The following CD44 variants were observed in gnomAD, a reference collection of about 807,000 sequenced individuals.
CD44 encodes the protein CD44 molecule (IN blood group).
CD44 carries 49 observed loss-of-function variants against 88.8 expected under a neutral mutation model. That is an observed-to-expected ratio of 0.55 (90% CI 0.44 to 0.70). The LOEUF (loss-of-function observed/expected upper bound fraction) is 0.70, where lower values mean the gene tolerates loss of function less well. Among genes scored for constraint, CD44 ranks in the 30% least tolerant of loss-of-function variants. The pLI, the probability that CD44 is intolerant of heterozygous loss-of-function variation, is 0.00. For missense variants in CD44, 883 were observed against 913.8 expected, an observed-to-expected ratio of 0.97 and a Z score of 0.43; for synonymous variants, 325 against 312.3, an observed-to-expected ratio of 1.04 and a Z score of -0.43.
At chr11:35,223,807 T>G (rs1439017833) in intron 17 of CD44, among the ~76,000 whole-genome samples, 1 of 152,172 alleles carries the variant, frequency 6.6e-6, no homozygotes, top group Non-Finnish European at 1.5e-5. Flanking sequence ...CTAATCCCCT[T>G]CAAAGGCTGA....
chr11:35,198,285 G>A (rs200983620), intron 7 of CD44, 39 bp downstream of exon 7: 402 of 1,594,794 alleles, frequency 2.5e-4, no homozygotes, highest in Admixed American at 1.2e-3. Flanking sequence ...TTTATGCAAG[G>A]CTTATTGATT....
At chr11:35,218,863 A>C (rs538494993) in intron 15 of CD44, 42 of 157,010 alleles carry the variant, frequency 2.7e-4, no homozygotes, top group Non-Finnish European at 4.9e-4. Context: ...AGAAAATAAC[A>C]ACCACACACA....
intron 6 of CD44, chr11:35,197,856 CTT>C (rs1468787020): frequency 2.8e-5 from 10 of 352,480 alleles, no homozygotes; most frequent in Admixed American, 1.3e-4. Flanking sequence ...CCTTTAAAAA[CTT>C]ATATGGTGAG....
chr11:35,181,988 TA>T lies in CD44; in HGVS notation c.367+1584del, dbSNP rs1480466626. Reference sequence around the variant, plus strand: ...ATATATAAATATTATATATTATATATAAATTTATATTTATATATATGTATAT... The same window carrying T: ...ATATATAAATATTATATATTATATATAATTTATATTTATATATATGTATAT... On this transcript the variant is annotated intron_variant, in intron 3 of 17. Transcript: ENST00000428726. 1.0e-4 allele frequency among the ~76,000 whole-genome samples: 12 copies of T among 114,864 alleles called. No homozygotes were observed. The South Asian group carries it at 2.0e-3, about 19-fold the overall frequency. The allele number at this position is 114,864 out of a possible 152,430, so 75.4% of individuals were successfully genotyped here. A position where few individuals can be genotyped will look rare whatever the true frequency, so the allele number is the denominator to read the frequency against.
chr11:35,162,676 A>T (rs1266276023), intron 1 of CD44, among the ~76,000 whole-genome samples: 1 of 152,182 alleles, frequency 6.6e-6, no homozygotes, highest in Non-Finnish European at 1.5e-5. Flanking sequence ...TTCACAGGGC[A>T]GTTGGAACTG....
At chr11:35,140,818 G>C (rs1295490711) in intron 1 of CD44, among the ~76,000 whole-genome samples, 2 of 152,160 alleles carry the variant, frequency 1.3e-5, no homozygotes, top group Admixed American at 6.5e-5. Flanking sequence ...TCAGGAGTTT[G>C]AGACCAGCCT....
intron 16 of CD44, among the ~76,000 whole-genome samples, chr11:35,220,357 G>A (rs1286514039): frequency 6.7e-6 from 1 of 149,452 alleles, no homozygotes; most frequent in Non-Finnish European, 1.5e-5. Flanking sequence ...AACAGAAATC[G>A]GGCCCTCCTG....
intron 11 of CD44, 46 bp from the exon 12 acceptor site, chr11:35,208,059 A>G (rs757277914): frequency 2.0e-5 from 23 of 1,132,198 alleles, no homozygotes; most frequent in Non-Finnish European, 2.8e-5. Context: ...ACCTTCAGGT[A>G]GTGGTTTGGG....
rs757215899 is a variant in CD44 at position 35,219,329 on chromosome 11, G to C, written c.1887G>C (p.Gly629=). 2 of 1,613,558 alleles carry C rather than the reference G, an allele frequency of 1.2e-6. No individual in the cohort carries two copies. Among genetic ancestry groups the C allele is most frequent in the African/African-American group, 2.7e-5 (2 of 74,916 alleles). ...TTTTCCCCTTAGGACACTCACATGG[G>C]AGTCAAGAAGGTGGAGCAAACACAA... ...HGSESDGHSH[G]SQEGGANTTS... is the part of the protein sequence containing the mutation. The change falls in exon 16 of 18, where the codon GGG becomes GGC. Residue 629 remains glycine (G), a synonymous_variant. Coordinates refer to ENST00000428726, the MANE Select transcript of CD44 (RefSeq NM_000610.4).
intron 2 of CD44, among the ~76,000 whole-genome samples, chr11:35,178,946 G>A (rs1272339070): frequency 6.6e-6 from 1 of 152,186 alleles, no homozygotes; most frequent in Non-Finnish European, 1.5e-5. Flanking sequence ...TCATGGGTTA[G>A]GATAAAACCT....
chr11:35,190,354 G>A (rs1946148742), intron 5 of CD44: 2 of 474,080 alleles, frequency 4.2e-6, no homozygotes, highest in African/African-American at 1.9e-5. Flanking sequence ...CTTATCCCCA[G>A]GTATACAGTA....
chr11:35,190,238 GACT>G, intron 5 of CD44, 173 bp downstream of exon 5: 1 of 615,200 alleles, frequency 1.6e-6, no homozygotes, highest in African/African-American at 1.8e-5. Flanking sequence ...TGCCTGCATT[GACT>G]ACTACTGCCT....
intron 1 of CD44, among the ~76,000 whole-genome samples, chr11:35,151,570 C>G (rs1183829187): frequency 6.6e-6 from 1 of 152,188 alleles, no homozygotes; most frequent in Non-Finnish European, 1.5e-5. Flanking sequence ...GAAGTCAAAC[C>G]TTGGCTCAGG....
intron 2 of CD44, among the ~76,000 whole-genome samples, chr11:35,178,086 A>G (rs551175436): frequency 2.6e-4 from 40 of 152,362 alleles, no homozygotes; most frequent in Non-Finnish European, 4.9e-4. Flanking sequence ...CTGAACTTGC[A>G]CTGTAGGATG....
At chr11:35,186,054 G>GA (rs11478829) in intron 3 of CD44, among the ~76,000 whole-genome samples, 23 of 150,006 alleles carry the variant, frequency 1.5e-4, no homozygotes, top group Non-Finnish European at 2.1e-4. Flanking sequence ...GAGAACAAGA[G>GA]AAAAAAAAAA....
At chr11:35,225,316 T>C (rs11033032) in intron 17 of CD44, among the ~76,000 whole-genome samples, 15,953 of 152,136 alleles carry the variant, frequency 0.1, 982 homozygotes, top group Admixed American at 0.17. Flanking sequence ...CCTAAATCTT[T>C]TAAGATAAAT....
In CD44 at chr11:35,174,269, A is replaced by G. The variant is rs182540535; in HGVS notation, c.68-2306A>G. ...GTAAATAAGTGGAATCTTCCTACCC[A>G]CCACTAGAACTGTGCAAGGAAGAGA... On this transcript the variant is annotated intron_variant, in intron 1 of 17. Transcript: ENST00000428726. 1.6e-4 allele frequency among the ~76,000 whole-genome samples: 24 copies of G among 152,308 alleles called. No individual in the cohort carries two copies. The East Asian group carries it at 4.6e-3, about 29-fold the overall frequency.
intron 15 of CD44, chr11:35,218,816 A>C (rs868812733): frequency 9.6e-5 from 15 of 155,598 alleles, no homozygotes; most frequent in Admixed American, 5.0e-4. Context: ...ATGGTCTGAG[A>C]GCCACACTTT....
At chr11:35,145,655 G>A (rs1037741723) in intron 1 of CD44, among the ~76,000 whole-genome samples, 1 of 152,136 alleles carries the variant, frequency 6.6e-6, no homozygotes, top group Non-Finnish European at 1.5e-5. Flanking sequence ...GCCACCTTGG[G>A]GTTCTAGTTA....
Sources: allele counts gnomAD v4.1 joint callset (sites outside exome capture counted in the v4.1 genomes callset), GRCh38; gene constraint gnomAD v4.1.1; transcripts MANE v1.5; gene names NCBI Gene and HGNC (gene_info 2026-07-23, HGNC 2026-07-21).